Variants in RSBN1L observed in about 807,000 individuals in gnomAD.
RSBN1L encodes the protein round spermatid basic protein 1 like, also known as lysine-specific demethylase RSBN1L.
RSBN1L carries 30 observed loss-of-function variants against 67.7 expected under a neutral mutation model. The observed-to-expected ratio is 0.44, with a 90% CI of 0.33 to 0.60. The LOEUF (loss-of-function observed/expected upper bound fraction) is 0.60, where lower values mean the gene tolerates loss of function less well. Among genes scored for constraint, RSBN1L ranks in the 20% least tolerant of loss-of-function variants. RSBN1L has a pLI of 0.02. For missense variants in RSBN1L, 992 were observed against 1,031.7 expected (o/e 0.96, Z 0.53); for synonymous variants, 433 against 387.0 (o/e 1.12, Z -1.39).
chr7:77,742,711 C>T (rs1346667179), intron 2 of RSBN1L, among the ~76,000 whole-genome samples: 3 of 152,132 alleles, frequency 2.0e-5, no homozygotes, highest in Non-Finnish European at 4.4e-5. Context: ...GTGGTGCATG[C>T]CTGTAATTCC....
At chr7:77,702,654 T>G (rs545173992) in intron 1 of RSBN1L, among the ~76,000 whole-genome samples, 1 of 152,310 alleles carries the variant, frequency 6.6e-6, no homozygotes, top group Non-Finnish European at 1.5e-5. Context: ...GAGGGGTGTC[T>G]TAGTCACTCG....
At chr7:77,741,708 AAAAG>A (rs907751292) in intron 2 of RSBN1L, among the ~76,000 whole-genome samples, 3 of 150,706 alleles carry the variant, frequency 2.0e-5, no homozygotes, top group Non-Finnish European at 3.0e-5. Context: ...AAAAAAAAAG[AAAAG>A]AAAAGAATTA....
intron 2 of RSBN1L, among the ~76,000 whole-genome samples, chr7:77,741,403 A>G (rs1179968288): frequency 6.6e-6 from 1 of 151,986 alleles, no homozygotes; most frequent in Non-Finnish European, 1.5e-5. Context: ...ACAGAATTAT[A>G]GATTTAGGCC....
chr7:77,763,154 T>G (rs765027519), intron 3 of RSBN1L, among the ~76,000 whole-genome samples: 14 of 86,666 alleles, frequency 1.6e-4, no homozygotes, highest in Non-Finnish European at 3.3e-4. Context: ...TTTGACTTTT[T>G]TTTTTTTTTT....
chr7:77,740,157 A>G (rs1336050011), intron 2 of RSBN1L, among the ~76,000 whole-genome samples: 1 of 152,178 alleles, frequency 6.6e-6, no homozygotes, highest in Non-Finnish European at 1.5e-5. Flanking sequence ...AGAAAGTTGG[A>G]TTATTTGCTC....
chr7:77,741,120 G>A (rs1179599221), intron 2 of RSBN1L, among the ~76,000 whole-genome samples: 1 of 151,240 alleles, frequency 6.6e-6, no homozygotes, highest in Non-Finnish European at 1.5e-5. Flanking sequence ...CCGAGTAGCT[G>A]GAACTACAGG....
chr7:77,710,364 T>C (rs1358512150), intron 1 of RSBN1L, among the ~76,000 whole-genome samples: 3 of 152,126 alleles, frequency 2.0e-5, no homozygotes, highest in South Asian at 2.1e-4. Flanking sequence ...CTCTGGATGA[T>C]CATATTCTTG....
chr7:77,748,852 T>G (rs1388353444), intron 2 of RSBN1L, among the ~76,000 whole-genome samples: 1 of 152,196 alleles, frequency 6.6e-6, no homozygotes, highest in Non-Finnish European at 1.5e-5. Context: ...TTGCTATATG[T>G]CAGAATGGTA....
intron 1 of RSBN1L, among the ~76,000 whole-genome samples, chr7:77,699,293 C>T (rs1044752834): frequency 4.6e-5 from 7 of 152,088 alleles, no homozygotes; most frequent in East Asian, 1.9e-4. Context: ...AGAGATTCTC[C>T]CTCAACAAAA....
chr7:77,706,742 T>G (rs1790898361), intron 1 of RSBN1L, among the ~76,000 whole-genome samples: 1 of 152,218 alleles, frequency 6.6e-6, no homozygotes, highest in Non-Finnish European at 1.5e-5. Context: ...TTTGGTAAAC[T>G]CTTTTATTGA....
At chr7:77,703,737 C>T (rs891117559) in intron 1 of RSBN1L, among the ~76,000 whole-genome samples, 1 of 152,044 alleles carries the variant, frequency 6.6e-6, no homozygotes, top group African/African-American at 2.4e-5. Context: ...ATCTGCCTGC[C>T]TCGGCCTCCC....
chr7:77,779,307 G>A lies in RSBN1L; in HGVS notation c.*139G>A, dbSNP rs1364041295. ...ATGTAGCTTTGTAACATTCCTCAGTGCCTGTCCATAACTGTGAAGTATTAA... is the reference window on the plus strand; with the variant it reads ...ATGTAGCTTTGTAACATTCCTCAGTACCTGTCCATAACTGTGAAGTATTAA... On this transcript the variant is annotated 3_prime_UTR_variant, in exon 8 of 8. Coordinates refer to ENST00000334955, the MANE Select transcript of RSBN1L (RefSeq NM_198467.3). 4.6e-6 allele frequency: 3 copies of A among 655,076 alleles called. No individual in the cohort carries two copies. The highest frequency in any genetic ancestry group is 7.9e-6 in the Non-Finnish European group (3 of 380,886). The allele number at this position is 655,076 out of a possible 1,614,324, so 40.6% of individuals were successfully genotyped here.
At chr7:77,764,406 G>A (rs551703839) in intron 3 of RSBN1L, among the ~76,000 whole-genome samples, 5 of 152,294 alleles carry the variant, frequency 3.3e-5, no homozygotes, top group Admixed American at 3.3e-4. Flanking sequence ...TCAATCTTGA[G>A]GTGCACATGG....
chr7:77,753,763 G>A (rs960879569), intron 3 of RSBN1L, among the ~76,000 whole-genome samples: 3 of 152,132 alleles, frequency 2.0e-5, no homozygotes, highest in African/African-American at 7.2e-5. Context: ...TAAATCTATA[G>A]TTAATAAAAC....
intron 1 of RSBN1L, among the ~76,000 whole-genome samples, chr7:77,727,951 A>G (rs960052089): frequency 2.0e-5 from 3 of 152,018 alleles, no homozygotes; most frequent in Non-Finnish European, 4.4e-5. Flanking sequence ...TCATTTACTT[A>G]TGTATCCATT....
rs776091278 is a variant in RSBN1L, at chr7:77,778,716, G to A, written c.2089G>A (p.Glu697Lys). ...TCGGCTCAAATTATATCACTCAGAG[G>A]AGGACACTTCTCAGAATACAGCTAC... ...HIRLKLYHSE[E>K]DTSQNTATHE... The change falls in exon 8 of 8, where the codon GAG becomes AAG. Residue 697 changes from glutamate (E) to lysine (K), a missense_variant. Coordinates refer to ENST00000334955, the MANE Select transcript of RSBN1L (RefSeq NM_198467.3). 16 of 1,613,996 alleles carry A rather than the reference G, an allele frequency of 9.9e-6. No homozygotes were observed. In the Admixed American group the frequency reaches 2.5e-4, roughly 25 times the overall value.
chr7:77,753,601 C>T (rs1481642646), intron 3 of RSBN1L, among the ~76,000 whole-genome samples: 2 of 152,102 alleles, frequency 1.3e-5, no homozygotes, highest in African/African-American at 4.8e-5. Flanking sequence ...CTAGAAGTTC[C>T]TAAGTTTAAT....
chr7:77,739,200 A>C (rs573383612), intron 2 of RSBN1L, among the ~76,000 whole-genome samples: 1 of 152,216 alleles, frequency 6.6e-6, no homozygotes, highest in Non-Finnish European at 1.5e-5. Flanking sequence ...CAAATCATTT[A>C]CTTTGCTGAG....
chr7:77,706,022 C>G (rs184701743), intron 1 of RSBN1L, among the ~76,000 whole-genome samples: 1 of 151,872 alleles, frequency 6.6e-6, no homozygotes, highest in African/African-American at 2.4e-5. Context: ...CCTCAGCCTC[C>G]CAAGTAGCTG....
Sources: allele counts gnomAD v4.1 joint callset (sites outside exome capture counted in the v4.1 genomes callset), GRCh38; gene constraint gnomAD v4.1.1; transcripts MANE v1.5; gene names NCBI Gene and HGNC (gene_info 2026-07-23, HGNC 2026-07-21).